Variants in CCDC40 observed in about 807,000 individuals in gnomAD.
CCDC40 encodes coiled-coil domain 40 molecular ruler complex subunit.
CCDC40 carries 104 observed loss-of-function variants against 124.5 expected under a neutral mutation model. The ratio of observed to expected loss-of-function variants is 0.84; its 90% CI spans 0.71 to 0.98. CCDC40 has a LOEUF of 0.98. Among genes scored for constraint, CCDC40 ranks in the 50% least tolerant of loss-of-function variants. The pLI, the probability that CCDC40 is intolerant of heterozygous loss-of-function variation, is 0.00. For missense variants in CCDC40, 1,463 were observed against 1,503.9 expected, an observed-to-expected ratio of 0.97 and a Z score of 0.45; for synonymous variants, 580 against 602.9, an observed-to-expected ratio of 0.96 and a Z score of 0.56.
chr17:80,087,878 T>C lies in CCDC40; in HGVS notation c.2619+102T>C, dbSNP rs1350375840. On this transcript the variant is annotated intron_variant, in intron 15 of 19. Transcript: ENST00000397545. The surrounding 1 kb of genome is among the most constrained non-coding windows in gnomAD (Gnocchi z 4.5). ...CACCAGGATGTAATTTCCACACCCG[T>C]TCAAGATGCTTGTAGGGGTATTAGA... The C allele has an allele frequency of 7.6e-7, 1 of 1,313,254 alleles. No homozygotes were observed. Among genetic ancestry groups the C allele is most frequent in the African/African-American group, 1.4e-5 (1 of 69,026 alleles). The allele number at this position is 1,313,254 out of a possible 1,614,324, so 81.4% of individuals were successfully genotyped here. A position where few individuals can be genotyped will look rare whatever the true frequency, so the allele number is the denominator to read the frequency against.
At chr17:80,059,060 C>T in intron 9 of CCDC40, 80 bp downstream of exon 9, 2 of 1,546,546 alleles carry the variant, frequency 1.3e-6, no homozygotes, top group Non-Finnish European at 1.8e-6. Context: ...GTCTACTAGA[C>T]TGCACCTGCC....
chr17:80,051,195 TG>T (rs1050072395), intron 7 of CCDC40: 2 of 255,594 alleles, frequency 7.8e-6, no homozygotes, highest in African/African-American at 4.6e-5. Flanking sequence ...ACTCTTATAA[TG>T]GGGAAATGAC....
At chr17:80,046,021 A>G (rs188572829) in intron 3 of CCDC40, among the ~76,000 whole-genome samples, 1 of 152,110 alleles carries the variant, frequency 6.6e-6, no homozygotes, top group Non-Finnish European at 1.5e-5. Context: ...AAATACAAAC[A>G]TAATTTACTA....
chr17:80,074,644 T>C (rs1415461146), intron 10 of CCDC40, among the ~76,000 whole-genome samples: 1 of 152,140 alleles, frequency 6.6e-6, no homozygotes, highest in African/African-American at 2.4e-5. Flanking sequence ...AAAGAAAATG[T>C]ACCTGGTCAC....
chr17:80,057,737 G>A (rs1369495510), intron 7 of CCDC40, among the ~76,000 whole-genome samples: 13 of 152,158 alleles, frequency 8.5e-5, no homozygotes, highest in Admixed American at 5.2e-4. Flanking sequence ...TTAGCCGGGC[G>A]TGGTGGCGGG....
In CCDC40 at chr17:80,040,040, A is replaced by G. The variant is rs762476900; in HGVS notation, c.322A>G (p.Ser108Gly). The change falls in exon 3 of 20, where the codon AGT becomes GGT. Residue 108 changes from serine (S) to glycine (G), a missense_variant. Physicochemically the swap from Ser to Gly is moderately conservative, Grantham distance 56 (BLOSUM62 0). Transcript: ENST00000397545. ...TETSSPEGQI[S>G]AADTTYPYFS... ...AACTTCATCCCCGGAAGGGCAAATC[A>G]GTGCTGCAGATACGACTTACCCGTA... The G allele has an allele frequency of 1.2e-6, 2 of 1,613,990 alleles. No homozygotes were observed. The highest frequency in any genetic ancestry group is 2.7e-5 in the African/African-American group (2 of 74,930).
At chr17:80,061,114 G>A (rs2037884006) in intron 9 of CCDC40, among the ~76,000 whole-genome samples, 1 of 152,204 alleles carries the variant, frequency 6.6e-6, no homozygotes, top group Admixed American at 6.5e-5. Flanking sequence ...GGGAGGCCGA[G>A]GCCGCTGGAT....
intron 3 of CCDC40, among the ~76,000 whole-genome samples, chr17:80,043,170 G>A (rs554395439): frequency 6.6e-5 from 10 of 152,066 alleles, no homozygotes; most frequent in Non-Finnish European, 1.3e-4. Flanking sequence ...GCTCAGTTTG[G>A]CCAGTGAGGG....
At position 80,100,394 on chromosome 17, in the gene CCDC40, G is replaced by A. The variant is rs1041027870; in HGVS notation, c.*619G>A. ...AGACACACGTAACAGGGTGAGCACT[G>A]AAATAAGAGCACGCTGGGGCGTCCA... On this transcript the variant is annotated 3_prime_UTR_variant, in exon 20 of 20. Coordinates refer to ENST00000397545, the MANE Select transcript of CCDC40 (RefSeq NM_017950.4). 1.3e-5 allele frequency: 2 copies of A among 159,090 alleles called. No individual in the cohort carries two copies. Among genetic ancestry groups the A allele is most frequent in the African/African-American group, 4.8e-5 (2 of 41,472 alleles). The allele number at this position is 159,090 out of a possible 1,614,324, so 9.9% of individuals were successfully genotyped here.
At chr17:80,047,550 G>A (rs1240329656) in intron 4 of CCDC40, 148 bp downstream of exon 4, 1 of 771,728 alleles carries the variant, frequency 1.3e-6, no homozygotes, top group Non-Finnish European at 2.2e-6. Context: ...TAACAGATAT[G>A]GATAACATTT....
chr17:80,095,332 A>G lies in CCDC40; in HGVS notation c.2902A>G (p.Arg968Gly), dbSNP rs757142776. ...TGCCATGGAGTTGGCGGTTGCCCGC[A>G]GAGAGACCGTCACCACCCAGGCCGA... Reference protein sequence around the residue: ...IRAMELAVARRETVTTQAEGQ... With the variant: ...IRAMELAVARGETVTTQAEGQ... Residue 968 changes from arginine to glycine, a missense_variant, in exon 18 of 20, where the codon AGA becomes GGA. Arg to Gly is a moderately radical substitution (Grantham distance 125). Transcript: ENST00000397545. 6.2e-7 allele frequency: 1 copy of G among 1,613,998 alleles called. No individual in the cohort carries two copies. The highest frequency in any genetic ancestry group is 1.3e-5 in the African/African-American group (1 of 74,954).
Position 80,099,945 on chromosome 17 carries a change from A to G in CCDC40, c.*170A>G, listed in dbSNP as rs964053830. On this transcript the variant is annotated 3_prime_UTR_variant, in exon 20 of 20. Coordinates refer to ENST00000397545, the MANE Select transcript of CCDC40 (RefSeq NM_017950.4). Reference sequence around the variant, plus strand: ...CCCATAGGAATCTTTTTAGCCACTCAGCAATTTAATAAACCAGGTAAAATC... The same window carrying G: ...CCCATAGGAATCTTTTTAGCCACTCGGCAATTTAATAAACCAGGTAAAATC... 1 of 712,378 alleles carries G rather than the reference A, an allele frequency of 1.4e-6. No homozygotes were observed. The highest frequency in any genetic ancestry group is 2.3e-6 in the Non-Finnish European group (1 of 433,334). 44.1% of individuals were successfully genotyped at this position (712,378 alleles called of 1,614,324 possible). A position where few individuals can be genotyped will look rare whatever the true frequency, so the allele number is the denominator to read the frequency against.
chr17:80,071,244 T>TA (rs2038179417), intron 10 of CCDC40, among the ~76,000 whole-genome samples: 1 of 152,242 alleles, frequency 6.6e-6, no homozygotes, highest in Admixed American at 6.5e-5. Flanking sequence ...GCCTTTGTCC[T>TA]ATTTCCTGGC....
Position 80,039,897 on chromosome 17 carries a change from C to G in CCDC40, c.179C>G (p.Ala60Gly). Residue 60 changes from alanine to glycine, a missense_variant, in exon 3 of 20, where the codon GCG becomes GGG. By Grantham distance (60) the Ala-to-Gly change is moderately conservative. Transcript: ENST00000397545. ...CATCCTGAGGAAGTCACAACCCAAG[C>G]GGAAGCTGCAATTGAAGAGGGGGAG... ...TEHPEEVTTQ[A>G]EAAIEEGEVE... 1 of 1,613,562 alleles carries G rather than the reference C, an allele frequency of 6.2e-7. No homozygotes were observed. Among genetic ancestry groups the G allele is most frequent in the Non-Finnish European group, 8.5e-7 (1 of 1,179,836 alleles).
chr17:80,052,650 C>T (rs568306208), intron 7 of CCDC40, among the ~76,000 whole-genome samples: 3 of 152,150 alleles, frequency 2.0e-5, no homozygotes, highest in East Asian at 1.9e-4. Flanking sequence ...GAGACTGAGC[C>T]GGACAGACAG....
intron 7 of CCDC40, among the ~76,000 whole-genome samples, chr17:80,057,697 A>G (rs978678489): frequency 1.7e-4 from 26 of 152,042 alleles, no homozygotes; most frequent in African/African-American, 6.3e-4. Flanking sequence ...TAACATGGTG[A>G]AACCCCGTCT....
chr17:80,050,397 G>A (rs763011113), intron 7 of CCDC40, 114 bp downstream of exon 7: 1 of 829,238 alleles, frequency 1.2e-6, no homozygotes, highest in Non-Finnish European at 2.0e-6. Context: ...CATCCTGGAG[G>A]GGTTCCCACC....
chr17:80,058,752 G>T lies in CCDC40; in HGVS notation c.1317+101G>T. On this transcript the variant is annotated intron_variant, in intron 8 of 19. Coordinates refer to ENST00000397545, the MANE Select transcript of CCDC40 (RefSeq NM_017950.4). This position sits in a 1 kb window ranked among gnomAD's most constrained non-coding sequence, Gnocchi z 4.2. ...TGCGTGAAGGCTTCCGGCCGGAGGG[G>T]TGGCGGCCGGCCTGGGTGGCGTCAA... 1 of 1,601,972 alleles carries T rather than the reference G, an allele frequency of 6.2e-7. No homozygotes were observed. Among genetic ancestry groups the T allele is most frequent in the Non-Finnish European group, 8.6e-7 (1 of 1,169,382 alleles).
intron 9 of CCDC40, among the ~76,000 whole-genome samples, chr17:80,064,225 C>T (rs770587124): frequency 3.0e-4 from 46 of 152,198 alleles, no homozygotes; most frequent in Non-Finnish European, 5.7e-4. Flanking sequence ...TCATGCCCGG[C>T]GCTGCCCTCG....
Sources: gnomAD v4.1 joint callset for allele counts (sites outside exome capture counted in the v4.1 genomes callset) on GRCh38, gnomAD v4.1.1 for gene constraint, Gnocchi (gnomAD v3.1) non-coding constraint, MANE v1.5 for transcripts, NCBI Gene and HGNC (gene_info 2026-07-23, HGNC 2026-07-21) for gene names.